The following SLC35A5 variants were observed in gnomAD, a reference collection of about 807,000 sequenced individuals.
SLC35A5 encodes the protein solute carrier family 35 member A5.
Under a neutral mutation model 36.3 loss-of-function variants are expected in SLC35A5, and 28 were observed. The observed-to-expected ratio is 0.77, with a 90% CI of 0.57 to 1.06. The LOEUF (loss-of-function observed/expected upper bound fraction) is 1.06, where lower values mean the gene tolerates loss of function less well. Ranked by LOEUF, SLC35A5 falls within the 50% of genes least tolerant of loss-of-function variation. SLC35A5 has a pLI of 0.00. For synonymous variants in SLC35A5, 180 were observed against 173.7 expected (o/e 1.04, Z -0.29); for missense variants, 521 against 499.3 (o/e 1.04, Z -0.41).
At position 112,573,992 on chromosome 3, in the gene SLC35A5, T is replaced by G; in HGVS notation, c.428+36T>G. ...TGCTGTGAAAACATATATCATACTT[T>G]AAAATAACATAGCCCGGTTTCAAAT... On this transcript the variant is annotated intron_variant, in intron 5 of 6. Transcript: ENST00000492406. The G allele has an allele frequency of 5.2e-6, 8 of 1,525,452 alleles. No homozygotes were observed. The East Asian group carries it at 6.8e-5, about 13-fold the overall frequency. The allele number at this position is 1,525,452 out of a possible 1,614,324, so 94.5% of individuals were successfully genotyped here. A position where few individuals can be genotyped will look rare whatever the true frequency, so the allele number is the denominator to read the frequency against.
intron 4 of SLC35A5, 39 bp downstream of exon 4, chr3:112,570,709 A>G: frequency 6.7e-7 from 1 of 1,502,596 alleles, no homozygotes; most frequent in Admixed American, 2.5e-5. Flanking sequence ...TTGAAAAGAT[A>G]CAGAGAAATA....
chr3:112,577,220 A>G (rs1195899102), intron 5 of SLC35A5, among the ~76,000 whole-genome samples: 7 of 152,306 alleles, frequency 4.6e-5, no homozygotes, highest in Non-Finnish European at 5.9e-5. Context: ...AAATATTATC[A>G]TCTAAATGTC....
chr3:112,564,971 C>T (rs1227553260), intron 2 of SLC35A5, among the ~76,000 whole-genome samples: 1 of 152,200 alleles, frequency 6.6e-6, no homozygotes, highest in Non-Finnish European at 1.5e-5. Flanking sequence ...CTTCTTTCTA[C>T]ACAGACACAG....
At position 112,583,330 on chromosome 3, in the gene SLC35A5, A is replaced by G. The variant is rs1230785456; in HGVS notation, c.*594A>G. ...GAAGAAGCAGTTTCTCAGACACAAC[A>G]TCTCAGAATTTTAATTTTTAGAAAT... is the stretch of plus-strand genomic sequence containing the variant. On this transcript the variant is annotated 3_prime_UTR_variant, in exon 7 of 7. Transcript: ENST00000492406. 5.1e-6 allele frequency: 2 copies of G among 391,796 alleles called. No individual in the cohort carries two copies. Among genetic ancestry groups the G allele is most frequent in the African/African-American group, 4.1e-5 (2 of 48,418 alleles). 24.3% of individuals were successfully genotyped at this position (391,796 alleles called of 1,614,324 possible).
intron 5 of SLC35A5, among the ~76,000 whole-genome samples, chr3:112,576,180 T>C (rs746643790): frequency 6.6e-6 from 1 of 151,738 alleles, no homozygotes; most frequent in Non-Finnish European, 1.5e-5. Flanking sequence ...CAGGCTGGAG[T>C]GCAGGGTTGC....
At position 112,573,885 on chromosome 3, in the gene SLC35A5, C is replaced by G. The variant is rs1051302752; in HGVS notation, c.361-4C>G. 3 of 1,610,306 alleles carry G rather than the reference C, an allele frequency of 1.9e-6. No homozygotes were observed. In the African/African-American group the frequency reaches 4.0e-5, roughly 22 times the overall value. ...TTGTAACTCTATCTTCTCTTTCTTT[C>G]TAGGCCATGGCTGTTATCTTCTCAA... On this transcript the variant is annotated splice_region_variant and splice_polypyrimidine_tract_variant and intron_variant, in intron 4 of 6. Coordinates refer to ENST00000492406, the MANE Select transcript of SLC35A5 (RefSeq NM_017945.5).
intron 4 of SLC35A5, 142 bp from the exon 5 acceptor site, chr3:112,573,747 A>T (rs1303632491): frequency 1.5e-6 from 1 of 666,070 alleles, no homozygotes; most frequent in Non-Finnish European, 2.7e-6. Context: ...CTGGAATTTA[A>T]TCCTTAGTTG....
intron 6 of SLC35A5, among the ~76,000 whole-genome samples, chr3:112,581,999 T>C (rs1362035035): frequency 6.6e-6 from 1 of 152,210 alleles, no homozygotes; most frequent in African/African-American, 2.4e-5. Context: ...CTGTCAATCA[T>C]TTTATTGGCA....
rs750054304 is a variant in SLC35A5 at position 112,569,156 on chromosome 3, T to G, written c.131-15T>G. On this transcript the variant is annotated splice_polypyrimidine_tract_variant and intron_variant, in intron 2 of 6. Coordinates refer to ENST00000492406, the MANE Select transcript of SLC35A5 (RefSeq NM_017945.5). Reference sequence around the variant, plus strand: ...ATAAAATATATAGTTAAAAAACATTTCTGTTACATTTCAGAAAACAAGTAT... The same window carrying G: ...ATAAAATATATAGTTAAAAAACATTGCTGTTACATTTCAGAAAACAAGTAT... The G allele has an allele frequency of 1.9e-6, 3 of 1,590,866 alleles. No homozygotes were observed. The South Asian group carries it at 3.3e-5, about 18-fold the overall frequency.
Position 112,578,971 on chromosome 3 carries a change from C to T in SLC35A5, c.429-1575C>T, listed in dbSNP as rs1045224283. Among the ~76,000 whole-genome samples the T allele has an allele frequency of 5.3e-5, 8 of 152,048 alleles. No homozygotes were observed. The East Asian group carries it at 1.3e-3, about 26-fold the overall frequency. On this transcript the variant is annotated intron_variant, in intron 5 of 6. Coordinates refer to ENST00000492406, the MANE Select transcript of SLC35A5 (RefSeq NM_017945.5). ...TAAGTGGTTAGTTCACAGTTTCTCA[C>T]CTGATGGCATAAGGCTGCGCTAACG...
At chr3:112,570,508 T>C in intron 3 of SLC35A5, 32 bp from the exon 4 acceptor site, 2 of 1,585,342 alleles carry the variant, frequency 1.3e-6, no homozygotes, top group Non-Finnish European at 1.7e-6. Flanking sequence ...GGCATTCTCA[T>C]CAAGGTCATT....
upstream of SLC35A5, chr3:112,561,427 A>C: frequency 6.2e-7 from 1 of 1,609,984 alleles, no homozygotes; most frequent in Non-Finnish European, 8.5e-7. Flanking sequence ...CATGTGCCTG[A>C]CAGCTCCCGG....
At chr3:112,575,951 A>G (rs1429680364) in intron 5 of SLC35A5, among the ~76,000 whole-genome samples, 1 of 151,066 alleles carries the variant, frequency 6.6e-6, no homozygotes, top group African/African-American at 2.4e-5. Flanking sequence ...GTAGAGACAG[A>G]GTTTCACCAT....
intron 5 of SLC35A5, among the ~76,000 whole-genome samples, chr3:112,576,168 G>A (rs919065725): frequency 1.9e-4 from 28 of 147,244 alleles, no homozygotes; most frequent in Non-Finnish European, 9.0e-5. Flanking sequence ...TTGCTCTGTC[G>A]CCAGGCTGGA....
intron 6 of SLC35A5, among the ~76,000 whole-genome samples, chr3:112,582,054 G>A (rs774177700): frequency 6.6e-6 from 1 of 152,114 alleles, no homozygotes; most frequent in Non-Finnish European, 1.5e-5. Flanking sequence ...TTAAATATAC[G>A]TTTAAATAAG....
At chr3:112,561,520 A>C, upstream of SLC35A5, 1 of 1,584,502 alleles carries the variant, frequency 6.3e-7, no homozygotes, top group Non-Finnish European at 8.6e-7. Flanking sequence ...TATTAATCAC[A>C]TTCTGCATCC....
chr3:112,566,157 C>A (rs929903306), intron 2 of SLC35A5, among the ~76,000 whole-genome samples: 1 of 150,734 alleles, frequency 6.6e-6, no homozygotes. Flanking sequence ...AAAAAGATAA[C>A]ATATAGCTCC....
At chr3:112,581,432 G>C in intron 6 of SLC35A5, 106 bp downstream of exon 6, 1 of 1,174,300 alleles carries the variant, frequency 8.5e-7, no homozygotes, top group Admixed American at 2.7e-5. Context: ...AGAATGTATT[G>C]GATCTCTGAC....
chr3:112,573,859 A>G (rs759823739), intron 4 of SLC35A5, 30 bp from the exon 5 acceptor site: 79 of 1,585,068 alleles, frequency 5.0e-5, no homozygotes, highest in Non-Finnish European at 6.3e-5. Context: ...CTTCATTTGG[A>G]TTGTAACTCT....
Sources: gnomAD v4.1 joint callset for allele counts (sites outside exome capture counted in the v4.1 genomes callset) on GRCh38, gnomAD v4.1.1 for gene constraint, MANE v1.5 for transcripts, NCBI Gene and HGNC (gene_info 2026-07-23, HGNC 2026-07-21) for gene names.